Variants in DISC1 observed in about 807,000 individuals in gnomAD.
DISC1 encodes disrupted in schizophrenia 1 protein.
A neutral mutation model predicts 84.5 loss-of-function variants in DISC1; 57 were observed. The ratio of observed to expected loss-of-function variants is 0.67; its 90% CI spans 0.55 to 0.84. DISC1 has a LOEUF of 0.84. Ranked by LOEUF, DISC1 falls within the 40% of genes least tolerant of loss-of-function variation. The pLI, the probability that DISC1 is intolerant of heterozygous loss-of-function variation, is 0.00. For synonymous variants in DISC1, 411 were observed against 415.2 expected (o/e 0.99, Z 0.12); for missense variants, 1,000 against 1,057.8 (o/e 0.95, Z 0.76).
intron 2 of DISC1, among the ~76,000 whole-genome samples, chr1:231,700,998 C>A (rs942611103): frequency 1.3e-5 from 2 of 152,066 alleles, no homozygotes; most frequent in African/African-American, 4.8e-5. Flanking sequence ...TTGAGAAGAA[C>A]AATGATTGTA....
intron 9 of DISC1, among the ~76,000 whole-genome samples, chr1:231,832,726 G>T (rs1357822549): frequency 6.8e-6 from 1 of 146,568 alleles, no homozygotes; most frequent in East Asian, 2.1e-4. Flanking sequence ...GTGGAGGGAG[G>T]TATTGAGGAT....
intron 9 of DISC1, among the ~76,000 whole-genome samples, chr1:231,842,560 T>C (rs888851942): frequency 3.9e-5 from 6 of 152,248 alleles, no homozygotes; most frequent in African/African-American, 1.4e-4. Flanking sequence ...TGACATCCCA[T>C]GCAGCAAACA....
intron 9 of DISC1, among the ~76,000 whole-genome samples, chr1:231,936,108 A>G (rs1349063330): frequency 6.6e-6 from 1 of 151,932 alleles, no homozygotes; most frequent in Non-Finnish European, 1.5e-5. Flanking sequence ...TGAAAGTCTG[A>G]CCCCAGGAAC....
At position 232,038,820 on chromosome 1, in the gene DISC1, C is replaced by G. The variant is rs1670666620; in HGVS notation, c.*1989C>G. The G allele has an allele frequency of 6.6e-6, 1 of 152,164 alleles. No individual in the cohort carries two copies. The highest frequency in any genetic ancestry group is 2.4e-5 in the African/African-American group (1 of 41,436). The allele number at this position is 152,164 out of a possible 1,614,324, so 9.4% of individuals were successfully genotyped here. On this transcript the variant is annotated 3_prime_UTR_variant, in exon 13 of 13. Transcript: ENST00000439617. ...AGGGATAGTGAGGTTCCTGCCTTCA[C>G]TAGGATCCACGGATATGAGACCATT...
chr1:231,933,677 AT>A (rs1179988645), intron 9 of DISC1, among the ~76,000 whole-genome samples: 2 of 152,166 alleles, frequency 1.3e-5, no homozygotes, highest in Admixed American at 1.3e-4. Context: ...CAGAAAAAAA[AT>A]TTTCCAACCT....
chr1:231,954,318 A>C lies in DISC1; in HGVS notation c.1982-4510A>C, dbSNP rs1210208783. 6.6e-6 allele frequency among the ~76,000 whole-genome samples: 1 copy of C among 152,208 alleles called. No individual in the cohort carries two copies. The highest frequency in any genetic ancestry group is 1.9e-4 in the East Asian group (1 of 5,200). ...TGGTCTTGCATGAAGGAGGACCCAG[A>C]TTGAACTCCTGTAGCATGATGTGTG... On this transcript the variant is annotated intron_variant, in intron 9 of 12. Transcript: ENST00000439617. This position sits in a 1 kb window ranked among gnomAD's most constrained non-coding sequence, Gnocchi z 4.8.
chr1:231,978,150 T>C (rs919029510), intron 10 of DISC1, among the ~76,000 whole-genome samples: 1 of 152,150 alleles, frequency 6.6e-6, no homozygotes, highest in African/African-American at 2.4e-5. Flanking sequence ...GAGAATTTGA[T>C]TTTATGGCCA....
chr1:231,712,394 C>T (rs2067990803), intron 3 of DISC1, among the ~76,000 whole-genome samples: 2 of 152,142 alleles, frequency 1.3e-5, no homozygotes, highest in South Asian at 2.1e-4. Context: ...GTAGAGTTTG[C>T]AGCTCCAACT....
chr1:231,865,483 A>T (rs535951905), intron 9 of DISC1, among the ~76,000 whole-genome samples: 3 of 152,268 alleles, frequency 2.0e-5, no homozygotes, highest in Admixed American at 6.5e-5. Flanking sequence ...TTAATTCAAG[A>T]TAACATAATC....
At chr1:231,685,939 C>T (rs1208217112) in intron 1 of DISC1, among the ~76,000 whole-genome samples, 1 of 152,180 alleles carries the variant, frequency 6.6e-6, no homozygotes, top group Non-Finnish European at 1.5e-5. Context: ...AAAGGGGTTA[C>T]AGGGCCCATG....
chr1:231,950,540 T>C (rs996931151), intron 9 of DISC1, among the ~76,000 whole-genome samples: 9 of 152,202 alleles, frequency 5.9e-5, no homozygotes, highest in African/African-American at 2.2e-4. Context: ...GAAGTGAACC[T>C]GCTTGGAACT....
At chr1:231,775,827 C>T (rs1189500597) in intron 6 of DISC1, among the ~76,000 whole-genome samples, 1 of 152,124 alleles carries the variant, frequency 6.6e-6, no homozygotes, top group Non-Finnish European at 1.5e-5. Flanking sequence ...CACTTTTACC[C>T]AGTGAGCTTG....
chr1:231,782,336 A>G (rs2077490360), intron 6 of DISC1, among the ~76,000 whole-genome samples: 1 of 152,070 alleles, frequency 6.6e-6, no homozygotes, highest in Non-Finnish European at 1.5e-5. Flanking sequence ...TAGTTTACCC[A>G]CAGAAACATT....
At chr1:231,974,565 C>T (rs189339893) in intron 10 of DISC1, among the ~76,000 whole-genome samples, 27 of 152,204 alleles carry the variant, frequency 1.8e-4, no homozygotes, top group Admixed American at 1.2e-3. Flanking sequence ...TGGATGCTTC[C>T]GTTTGCTTAA....
intron 3 of DISC1, chr1:231,723,434 G>T (rs1377562739): frequency 2.0e-6 from 2 of 985,542 alleles, no homozygotes; most frequent in African/African-American, 3.5e-5. Flanking sequence ...CAGGTGCACT[G>T]GCTACGACCT....
At chr1:231,722,396 T>C in intron 3 of DISC1, 1 of 1,363,462 alleles carries the variant, frequency 7.3e-7, no homozygotes. Flanking sequence ...TGGACTGCTC[T>C]ATGAAATAGA....
intron 3 of DISC1, among the ~76,000 whole-genome samples, chr1:231,717,599 A>G (rs2068937768): frequency 6.6e-6 from 1 of 152,216 alleles, no homozygotes; most frequent in Non-Finnish European, 1.5e-5. Flanking sequence ...TCATGTATTC[A>G]GAGTAGGGAC....
chr1:231,975,471 G>A (rs967015507), intron 10 of DISC1, among the ~76,000 whole-genome samples: 7 of 152,290 alleles, frequency 4.6e-5, no homozygotes, highest in Admixed American at 4.6e-4. Flanking sequence ...CCCACTACTG[G>A]AAATCTACCC....
intron 9 of DISC1, among the ~76,000 whole-genome samples, chr1:231,836,671 C>T (rs1315228320): frequency 6.6e-6 from 1 of 152,194 alleles, no homozygotes; most frequent in Non-Finnish European, 1.5e-5. Context: ...TTCACATTCT[C>T]CTCTCCACCT....
Sources: allele counts gnomAD v4.1 joint callset (sites outside exome capture counted in the v4.1 genomes callset), GRCh38; gene constraint gnomAD v4.1.1; non-coding constraint Gnocchi (gnomAD v3.1); transcripts MANE v1.5; gene names NCBI Gene and HGNC (gene_info 2026-07-23, HGNC 2026-07-21).